The following EXOC4 variants were observed in gnomAD, a reference collection of about 807,000 sequenced individuals.
EXOC4 encodes the protein exocyst complex component 4, also known as SEC8-like 1.
A neutral mutation model predicts 107.2 loss-of-function variants in EXOC4; 71 were observed. The ratio of observed to expected loss-of-function variants is 0.66; its 90% confidence interval spans 0.55 to 0.81. The LOEUF (loss-of-function observed/expected upper bound fraction) is 0.81. Ranked by LOEUF, EXOC4 falls within the 30% of genes least tolerant of loss-of-function variation. The pLI, the probability that EXOC4 is intolerant of heterozygous loss-of-function variation, is 0.00. For missense variants in EXOC4, 1,108 were observed against 1,189.6 expected (o/e 0.93, Z 1.01); for synonymous variants, 456 against 441.2 (o/e 1.03, Z -0.42).
intron 5 of EXOC4, among the ~76,000 whole-genome samples, chr7:133,325,882 C>A (rs1400418846): frequency 2.0e-5 from 3 of 152,168 alleles, no homozygotes; most frequent in Non-Finnish European, 4.4e-5. Flanking sequence ...TTCACATAGT[C>A]CCATATTTCT....
chr7:133,971,211 C>T (rs145120364), intron 14 of EXOC4, among the ~76,000 whole-genome samples: 105 of 151,412 alleles, frequency 6.9e-4, no homozygotes, highest in Middle Eastern at 3.4e-3. Context: ...CAGGACTTGA[C>T]GAGTAAGAGA....
chr7:133,613,702 G>A (rs958189367), intron 9 of EXOC4, among the ~76,000 whole-genome samples: 2 of 152,118 alleles, frequency 1.3e-5, no homozygotes, highest in African/African-American at 4.8e-5. Flanking sequence ...TTCAGTGTAA[G>A]GGCCATTGTA....
chr7:133,850,799 T>G (rs1468568937), intron 11 of EXOC4, among the ~76,000 whole-genome samples: 2 of 152,178 alleles, frequency 1.3e-5, no homozygotes, highest in Middle Eastern at 3.2e-3. Context: ...AGATTTTCCT[T>G]ATAATTGAAC....
intron 7 of EXOC4, among the ~76,000 whole-genome samples, chr7:133,475,072 A>G (rs932566310): frequency 6.6e-6 from 1 of 152,130 alleles, no homozygotes; most frequent in African/African-American, 2.4e-5. Flanking sequence ...CATAGTAGAT[A>G]CCCAATAAAA....
At chr7:133,962,096 G>C (rs768090375) in intron 14 of EXOC4, among the ~76,000 whole-genome samples, 1 of 152,244 alleles carries the variant, frequency 6.6e-6, no homozygotes, top group South Asian at 2.1e-4. Flanking sequence ...TGAGAAAACC[G>C]AGCCAGGATG....
intron 7 of EXOC4, among the ~76,000 whole-genome samples, chr7:133,395,418 A>G (rs1443130692): frequency 6.6e-6 from 1 of 152,138 alleles, no homozygotes; most frequent in Non-Finnish European, 1.5e-5. Context: ...GGAGGCAGCC[A>G]GAAGAGCTTG....
chr7:133,642,237 G>A (rs1188409074), intron 10 of EXOC4, among the ~76,000 whole-genome samples: 1 of 152,094 alleles, frequency 6.6e-6, no homozygotes, highest in African/African-American at 2.4e-5. Context: ...TGGAAGCTGT[G>A]TTCCTAATGA....
chr7:133,260,534 A>G (rs1343789008), intron 1 of EXOC4, among the ~76,000 whole-genome samples: 2 of 152,190 alleles, frequency 1.3e-5, no homozygotes, highest in Non-Finnish European at 1.5e-5. Context: ...TCGGCCTCCC[A>G]AAGTGCAGGG....
chr7:133,765,086 A>T (rs1279742596), intron 10 of EXOC4, among the ~76,000 whole-genome samples: 5 of 152,100 alleles, frequency 3.3e-5, no homozygotes, highest in African/African-American at 1.2e-4. Context: ...TAGGACCTCT[A>T]GTCCTCTATA....
Position 134,029,487 on chromosome 7 carries a change from T to TATTG in EXOC4, c.2687+21673_2687+21676dup, listed in dbSNP as rs57064497. 1.1e-3 allele frequency among the ~76,000 whole-genome samples: 172 copies of TATTG among 151,912 alleles called. 1 individual carries two copies. The highest frequency in any genetic ancestry group is 1.5e-3 in the Non-Finnish European group (100 of 67,926). On this transcript the variant is annotated intron_variant, in intron 17 of 17. Coordinates refer to ENST00000253861, the MANE Select transcript of EXOC4 (RefSeq NM_021807.4). ...GATATAGGGTTTCTTTTTGGTGGTCTATTGATTGATTGATTGATTGATTGC... is the reference window on the plus strand; with the variant it reads ...GATATAGGGTTTCTTTTTGGTGGTCTATTGATTGATTGATTGATTGATTGATTGC...
intron 6 of EXOC4, among the ~76,000 whole-genome samples, chr7:133,363,862 A>G (rs1796187533): frequency 6.6e-6 from 1 of 152,180 alleles, no homozygotes; most frequent in Admixed American, 6.6e-5. Context: ...CAAGTTCAAA[A>G]TAATACTGGA....
chr7:133,311,995 C>T (rs1794882134), intron 4 of EXOC4, among the ~76,000 whole-genome samples: 1 of 152,126 alleles, frequency 6.6e-6, no homozygotes, highest in African/African-American at 2.4e-5. Flanking sequence ...GGTGGAATAA[C>T]CAATATGCCT....
At chr7:133,929,756 G>A (rs942266863) in intron 13 of EXOC4, among the ~76,000 whole-genome samples, 4 of 151,982 alleles carry the variant, frequency 2.6e-5, no homozygotes, top group Non-Finnish European at 5.9e-5. Context: ...CATGTCTACT[G>A]CTCCCTTCTT....
chr7:133,669,837 A>G (rs1187214250), intron 10 of EXOC4, among the ~76,000 whole-genome samples: 1 of 152,236 alleles, frequency 6.6e-6, no homozygotes, highest in African/African-American at 2.4e-5. Flanking sequence ...AGGAACACTT[A>G]CAAGGACTCT....
intron 11 of EXOC4, among the ~76,000 whole-genome samples, chr7:133,831,618 A>G (rs1797813368): frequency 6.7e-6 from 1 of 149,998 alleles, no homozygotes. Flanking sequence ...CTCCTGGCTC[A>G]TCTTGTATAT....
chr7:133,741,417 C>A (rs1010067792), intron 10 of EXOC4, among the ~76,000 whole-genome samples: 45 of 152,098 alleles, frequency 3.0e-4, no homozygotes, highest in African/African-American at 1.9e-4. Context: ...ATGAAACCTC[C>A]CATTTTCTTT....
intron 9 of EXOC4, among the ~76,000 whole-genome samples, chr7:133,500,205 G>A (rs1799551743): frequency 6.6e-6 from 1 of 152,046 alleles, no homozygotes; most frequent in African/African-American, 2.4e-5. Flanking sequence ...GAGTTTTGGA[G>A]GATATATACA....
At chr7:133,445,338 C>A (rs192547236) in intron 7 of EXOC4, among the ~76,000 whole-genome samples, 1 of 152,102 alleles carries the variant, frequency 6.6e-6, no homozygotes, top group Non-Finnish European at 1.5e-5. Context: ...ATCTGAGGTT[C>A]CAAAACCTGT....
chr7:133,617,913 G>A (rs899051072), intron 9 of EXOC4, among the ~76,000 whole-genome samples: 1 of 152,102 alleles, frequency 6.6e-6, no homozygotes, highest in Non-Finnish European at 1.5e-5. Flanking sequence ...GTTTGGGATA[G>A]GACCTACTTT....
Sources: gnomAD v4.1 joint callset for allele counts (sites outside exome capture counted in the v4.1 genomes callset) on GRCh38, gnomAD v4.1.1 for gene constraint, MANE v1.5 for transcripts, NCBI Gene and HGNC (gene_info 2026-07-23, HGNC 2026-07-21) for gene names.